Variants in HERC2 observed in about 807,000 individuals in gnomAD.
The protein encoded by HERC2 is HECT and RLD domain containing E3 ubiquitin protein ligase 2.
A neutral mutation model predicts 537.7 loss-of-function variants in HERC2; 102 were observed. The observed-to-expected ratio is 0.19, with a 90% CI of 0.16 to 0.22. The LOEUF is 0.22. Ranked by LOEUF, HERC2 falls within the 10% of genes least tolerant of loss-of-function variation. HERC2 has a pLI of 1.00. For missense variants in HERC2, 4,236 were observed against 6,198.2 expected, an observed-to-expected ratio of 0.68 and a Z score of 10.63; for synonymous variants, 2,224 against 2,466.2, an observed-to-expected ratio of 0.90 and a Z score of 2.91.
chr15:28,255,840 C>T, intron 19 of HERC2, 32 bp downstream of exon 19: 1 of 1,592,672 alleles, frequency 6.3e-7, no homozygotes, highest in South Asian at 1.1e-5. Flanking sequence ...TCTCAGTGCA[C>T]CACCAGGTCA....
Position 28,263,069 on chromosome 15 carries a change from C to T in HERC2, c.1971G>A (p.Leu657=). The T allele has an allele frequency of 6.2e-7, 1 of 1,614,146 alleles. No homozygotes were observed. The highest frequency in any genetic ancestry group is 8.5e-7 in the Non-Finnish European group (1 of 1,180,036). The part of the protein sequence containing the change: ...TPKLIEKLQD[L]DVVKVRCGSQ... Reference sequence around the variant, plus strand: ...TTCCACAGCGGACTTTGACCACATCCAAGTCTTGAAGCTTTTCAATCAGCT... The same window carrying T: ...TTCCACAGCGGACTTTGACCACATCTAAGTCTTGAAGCTTTTCAATCAGCT... Residue 657 remains leucine (L), a synonymous_variant, in exon 15 of 93, where the codon TTG becomes TTA. Coordinates refer to ENST00000261609, the MANE Select transcript of HERC2 (RefSeq NM_004667.6).
chr15:28,111,581 G>A lies in HERC2; in HGVS notation c.*182C>T, dbSNP rs544376555. ...GTCGAGCGTCCACAGTGTTCCACGC[G>A]CACAGGCGGACCTTCTCACTGTCAT... On this transcript the variant is annotated 3_prime_UTR_variant, in exon 93 of 93. Coordinates refer to ENST00000261609, the MANE Select transcript of HERC2 (RefSeq NM_004667.6). The A allele has an allele frequency of 3.5e-5, 22 of 629,924 alleles. No individual in the cohort carries two copies. The highest frequency in any genetic ancestry group is 1.2e-4 in the South Asian group (6 of 50,062). The allele number at this position is 629,924 out of a possible 1,614,324, so 39.0% of individuals were successfully genotyped here. A position where few individuals can be genotyped will look rare whatever the true frequency, so the allele number is the denominator to read the frequency against.
chr15:28,183,916 A>G (rs1896056667), intron 56 of HERC2, among the ~76,000 whole-genome samples: 1 of 152,178 alleles, frequency 6.6e-6, no homozygotes, highest in African/African-American at 2.4e-5. Context: ...GACCAGGCAC[A>G]GTAGCTCACA....
In HERC2 at chr15:28,209,565, G is replaced by C. The variant is rs183918710; in HGVS notation, c.7069+1437C>G. On this transcript the variant is annotated intron_variant, in intron 44 of 92. Transcript: ENST00000261609. ...TCACCGTGTTAGCCAGGATGGTCTCGATCTCCTGACCTCGTGATCTGCCCG... is the reference window on the plus strand; with the variant it reads ...TCACCGTGTTAGCCAGGATGGTCTCCATCTCCTGACCTCGTGATCTGCCCG... Among the ~76,000 whole-genome samples the C allele has an allele frequency of 4.8e-3, 730 of 152,132 alleles. 4 individuals carry two copies. Among genetic ancestry groups the C allele is most frequent in the South Asian group, 0.016 (75 of 4,818 alleles).
At chr15:28,205,106 C>G (rs146672468) in intron 45 of HERC2, among the ~76,000 whole-genome samples, 1 of 151,998 alleles carries the variant, frequency 6.6e-6, no homozygotes, top group South Asian at 2.1e-4. Context: ...ATAGAAAATA[C>G]GAAAAGCAAC....
At chr15:28,120,236 T>C (rs1398583214) in intron 86 of HERC2, among the ~76,000 whole-genome samples, 1 of 152,216 alleles carries the variant, frequency 6.6e-6, no homozygotes, top group East Asian at 1.9e-4. Flanking sequence ...CACTCTGACG[T>C]CAGTGAAGAG....
intron 35 of HERC2, among the ~76,000 whole-genome samples, 157 bp from the exon 36 acceptor site, chr15:28,222,372 T>C (rs534099230): frequency 5.9e-5 from 9 of 151,556 alleles, no homozygotes; most frequent in Admixed American, 5.3e-4. Context: ...TTTACTGATA[T>C]AGGATAAAAA....
rs780136071 is a variant in HERC2 at position 28,196,246 on chromosome 15, G to A, written c.8229C>T (p.Thr2743=). The change falls in exon 52 of 93, where the codon ACC becomes ACT. Residue 2743 remains threonine, a synonymous_variant. Coordinates refer to ENST00000261609, the MANE Select transcript of HERC2 (RefSeq NM_004667.6). ...CATTTATTCTGCCAAATGTATGCCT[G>A]GTATTGTGTTTTTTGGTCTTGAAAC... ...ETCFKTKKHN[T]RHTFGRINEP... is the part of the protein sequence containing the mutation. The A allele has an allele frequency of 6.4e-6, 9 of 1,415,328 alleles. No individual in the cohort carries two copies. The highest frequency in any genetic ancestry group is 8.8e-6 in the Non-Finnish European group (9 of 1,027,262). The allele number at this position is 1,415,328 out of a possible 1,614,324, so 87.7% of individuals were successfully genotyped here. A position where few individuals can be genotyped will look rare whatever the true frequency, so the allele number is the denominator to read the frequency against.
intron 12 of HERC2, among the ~76,000 whole-genome samples, chr15:28,267,283 G>A (rs1181763599): frequency 2.6e-5 from 4 of 152,100 alleles, no homozygotes; most frequent in Non-Finnish European, 5.9e-5. Context: ...TCCCCAAAAG[G>A]TTATCTCCAG....
At chr15:28,153,293 C>T (rs1304344289) in intron 69 of HERC2, among the ~76,000 whole-genome samples, 2 of 151,986 alleles carry the variant, frequency 1.3e-5, no homozygotes, top group Middle Eastern at 3.2e-3. Flanking sequence ...GCAGAGGTTG[C>T]GGTGAGCCGA....
chr15:28,116,536 G>C (rs1888274733), intron 88 of HERC2, 129 bp downstream of exon 88: 1 of 1,000,804 alleles, frequency 1.0e-6, no homozygotes, highest in South Asian at 1.6e-5. Context: ...ATTTTTATTG[G>C]TAACAGTCTC....
At chr15:28,225,238 T>A (rs1341318223) in intron 35 of HERC2, among the ~76,000 whole-genome samples, 2 of 150,144 alleles carry the variant, frequency 1.3e-5, no homozygotes, top group Non-Finnish European at 3.0e-5. Flanking sequence ...GAAGGAAAAG[T>A]AAGACCCTGT....
rs1351532260 is a variant in HERC2, at chr15:28,125,035, G to A, written c.12961C>T (p.Pro4321Ser). ...GCAGGGAGTTTGCCAGCACTGGCGG[G>A]CTTGCTGGTCGACCAGGCGAGGGTA... ...AHTLAWSTSKPASAGKLPAQV... is the reference protein window; with the variant it reads ...AHTLAWSTSKSASAGKLPAQV... Residue 4321 changes from proline (P) to serine (S), a missense_variant, in exon 84 of 93, where the codon CCC (proline) becomes TCC (serine). Physicochemically the swap from Pro to Ser is moderately conservative, Grantham distance 74 (BLOSUM62 -1). Coordinates refer to ENST00000261609, the MANE Select transcript of HERC2 (RefSeq NM_004667.6). 4 of 1,604,390 alleles carry A rather than the reference G, an allele frequency of 2.5e-6. No homozygotes were observed. Among genetic ancestry groups the A allele is most frequent in the Non-Finnish European group, 3.4e-6 (4 of 1,171,802 alleles).
chr15:28,119,429 A>C (rs1888642886), intron 86 of HERC2, among the ~76,000 whole-genome samples: 1 of 32,060 alleles, frequency 3.1e-5, no homozygotes, highest in African/African-American at 6.7e-5. Flanking sequence ...AAAAAAAAAA[A>C]AAAAAAAAGG....
At chr15:28,131,975 G>T in intron 81 of HERC2, 125 bp downstream of exon 81, 1 of 737,890 alleles carries the variant, frequency 1.4e-6, no homozygotes, top group Non-Finnish European at 2.2e-6. Context: ...AGGTTAAAGT[G>T]CTCCTAAGGA....
At chr15:28,232,608 T>C (rs1567047730) in intron 30 of HERC2, among the ~76,000 whole-genome samples, 2 of 152,076 alleles carry the variant, frequency 1.3e-5, no homozygotes, top group Non-Finnish European at 2.9e-5. Context: ...TAATCACAAG[T>C]GACTAAATTC....
At chr15:28,198,821 T>A in intron 48 of HERC2, 52 bp from the exon 49 acceptor site, 1 of 1,480,112 alleles carries the variant, frequency 6.8e-7, no homozygotes, top group Middle Eastern at 1.8e-4. Context: ...ACAGGTGAAA[T>A]GAGCCATGAT....
Position 28,117,005 on chromosome 15 carries a change from G to A in HERC2, c.13414+8C>T, listed in dbSNP as rs1462094796. 7.4e-6 allele frequency: 12 copies of A among 1,614,106 alleles called. No individual in the cohort carries two copies. Among genetic ancestry groups the A allele is most frequent in the Admixed American group, 1.7e-5 (1 of 60,026 alleles). On this transcript the variant is annotated splice_region_variant and intron_variant, in intron 87 of 92. Coordinates refer to ENST00000261609, the MANE Select transcript of HERC2 (RefSeq NM_004667.6). ...ACACAGGTGCTCCAGCACGTGGCAA[G>A]TTCTCACCCACAAACTTGACTTTCC...
chr15:28,197,596 A>G (rs1897468301), intron 50 of HERC2, among the ~76,000 whole-genome samples: 1 of 152,180 alleles, frequency 6.6e-6, no homozygotes, highest in Non-Finnish European at 1.5e-5. Flanking sequence ...TACTAAAAAT[A>G]CAAAAATTAT....
Sources: allele counts gnomAD v4.1 joint callset (sites outside exome capture counted in the v4.1 genomes callset), GRCh38; gene constraint gnomAD v4.1.1; transcripts MANE v1.5; gene names NCBI Gene and HGNC (gene_info 2026-07-23, HGNC 2026-07-21).